Variants in AGMO observed in about 807,000 individuals in gnomAD.
AGMO encodes alkylglycerol monooxygenase, also known as glyceryl-ether monooxygenase.
Under a neutral mutation model 60.2 loss-of-function variants are expected in AGMO, and 75 were observed. That is an observed-to-expected ratio of 1.25 (90% CI 1.03 to 1.51). The LOEUF (loss-of-function observed/expected upper bound fraction) is 1.51. Among genes scored for constraint, AGMO ranks in the 40% most tolerant of loss-of-function variants. The pLI is 0.00. For missense variants in AGMO, 763 were observed against 525.5 expected (o/e 1.45, Z -4.42); for synonymous variants, 261 against 177.1 (o/e 1.47, Z -3.76).
At chr7:15,495,845 CTCTCTCTCCT>C (rs1783212076) in intron 3 of AGMO, among the ~76,000 whole-genome samples, 5 of 98,854 alleles carry the variant, frequency 5.1e-5, no homozygotes, top group Admixed American at 1.4e-4. Flanking sequence ...TCTCTCTCCT[CTCTCTCTCCT>C]CTCTCTCTCT....
the AGMO span, among the ~76,000 whole-genome samples, chr7:15,128,043 G>C: frequency 2.6e-5 from 4 of 151,946 alleles, no homozygotes; most frequent in African/African-American, 9.7e-5. Context: ...CAACCACAAG[G>C]TTCATATTGA....
chr7:15,520,519 A>T (rs1019637428), intron 3 of AGMO, among the ~76,000 whole-genome samples: 2 of 152,234 alleles, frequency 1.3e-5, no homozygotes, highest in African/African-American at 4.8e-5. Flanking sequence ...TAGCGCAATC[A>T]AATTAGAACT....
At chr7:15,285,417 C>A (rs934422218) in intron 12 of AGMO, among the ~76,000 whole-genome samples, 1 of 152,046 alleles carries the variant, frequency 6.6e-6, no homozygotes, top group Non-Finnish European at 1.5e-5. Context: ...AGTAGCACTT[C>A]TATATACCAA....
intron 3 of AGMO, among the ~76,000 whole-genome samples, chr7:15,448,513 A>C (rs1275927873): frequency 6.6e-6 from 1 of 152,158 alleles, no homozygotes; most frequent in East Asian, 1.9e-4. Flanking sequence ...GTGCAAAGGG[A>C]CTAAGATATG....
chr7:15,217,432 T>C (rs1781774491), intron 12 of AGMO, among the ~76,000 whole-genome samples: 2 of 152,064 alleles, frequency 1.3e-5, no homozygotes, highest in Admixed American at 1.3e-4. Context: ...GAGACTTTAA[T>C]ATGTGCAAGA....
chr7:15,425,437 A>T (rs1000907208), intron 4 of AGMO, among the ~76,000 whole-genome samples: 38 of 143,484 alleles, frequency 2.6e-4, no homozygotes, highest in Admixed American at 1.0e-3. Context: ...TGTTTATTTT[A>T]TTTTTTTTTT....
chr7:15,173,522 T>C, the AGMO span, among the ~76,000 whole-genome samples: 1 of 151,834 alleles, frequency 6.6e-6, no homozygotes, highest in South Asian at 2.1e-4. Context: ...CCCTCGATCA[T>C]CACCATGAGA....
chr7:15,501,386 A>G (rs1272117426), intron 3 of AGMO, among the ~76,000 whole-genome samples: 1 of 152,028 alleles, frequency 6.6e-6, no homozygotes, highest in African/African-American at 2.4e-5. Flanking sequence ...CAAAATAAGA[A>G]TGGCAGAATG....
the AGMO span, among the ~76,000 whole-genome samples, chr7:15,173,109 T>C: frequency 1.3e-5 from 2 of 152,202 alleles, no homozygotes; most frequent in African/African-American, 4.8e-5. Context: ...ATTGAATACA[T>C]TTATTGAAGT....
intron 3 of AGMO, among the ~76,000 whole-genome samples, chr7:15,524,058 GTGTA>G (rs2128537078): frequency 6.6e-6 from 1 of 152,032 alleles, no homozygotes; most frequent in South Asian, 2.1e-4. Flanking sequence ...TATTTTTGTT[GTGTA>G]TGTATTTGTA....
At chr7:15,322,588 A>G (rs1340618868) in intron 12 of AGMO, among the ~76,000 whole-genome samples, 6 of 37,938 alleles carry the variant, frequency 1.6e-4, no homozygotes, top group African/African-American at 6.6e-4. Context: ...ATATATAAAT[A>G]TATAAATATA....
At chr7:15,211,038 C>A (rs1367704237) in intron 12 of AGMO, among the ~76,000 whole-genome samples, 1 of 151,236 alleles carries the variant, frequency 6.6e-6, no homozygotes, top group Non-Finnish European at 1.5e-5. Context: ...TAACTTGGGA[C>A]ATAAAGGGAC....
intron 10 of AGMO, among the ~76,000 whole-genome samples, chr7:15,370,330 T>A (rs1562465034): frequency 6.6e-6 from 1 of 152,220 alleles, no homozygotes; most frequent in Non-Finnish European, 1.5e-5. Flanking sequence ...TGCTTCCATG[T>A]CTTTGCTATT....
At chr7:15,382,964 G>T (rs984208694) in intron 10 of AGMO, among the ~76,000 whole-genome samples, 1 of 151,420 alleles carries the variant, frequency 6.6e-6, no homozygotes, top group African/African-American at 2.4e-5. Flanking sequence ...GCCTACTTGA[G>T]CCTATTTGCC....
intron 12 of AGMO, among the ~76,000 whole-genome samples, chr7:15,257,875 T>C (rs920574976): frequency 2.6e-5 from 4 of 152,202 alleles, no homozygotes; most frequent in African/African-American, 7.2e-5. Flanking sequence ...TAATAGTTTA[T>C]GCTAAAACAT....
At chr7:15,317,701 C>T (rs1402534473) in intron 12 of AGMO, among the ~76,000 whole-genome samples, 2 of 151,712 alleles carry the variant, frequency 1.3e-5, no homozygotes, top group African/African-American at 2.4e-5. Context: ...CAAAGAGATT[C>T]AGAAGTGATT....
intron 12 of AGMO, among the ~76,000 whole-genome samples, chr7:15,268,808 T>G (rs924105547): frequency 6.6e-6 from 1 of 151,948 alleles, no homozygotes; most frequent in African/African-American, 2.4e-5. Context: ...GACTAGACAA[T>G]GTAAAGATGA....
intron 3 of AGMO, among the ~76,000 whole-genome samples, chr7:15,475,733 T>A (rs775496053): frequency 6.6e-6 from 1 of 151,964 alleles, no homozygotes; most frequent in Non-Finnish European, 1.5e-5. Flanking sequence ...TAAATGTAAA[T>A]CTTGTCATGC....
chr7:15,387,797 G>A lies in AGMO; in HGVS notation c.823-257C>T, dbSNP rs573363353. Among the ~76,000 whole-genome samples, 24 of 151,894 alleles carry A rather than the reference G, an allele frequency of 1.6e-4. No individual in the cohort carries two copies. The Middle Eastern group carries it at 0.014, about 87-fold the overall frequency. ...TTTGAAATGTAAAAACAGGGCAATT[G>A]TTTAGACAATCAGCAAAGTAGGAAA... On this transcript the variant is annotated intron_variant, in intron 8 of 12. Coordinates refer to ENST00000342526, the MANE Select transcript of AGMO (RefSeq NM_001004320.2).
Sources: gnomAD v4.1 joint callset for allele counts (sites outside exome capture counted in the v4.1 genomes callset) on GRCh38, gnomAD v4.1.1 for gene constraint, MANE v1.5 for transcripts, NCBI Gene and HGNC (gene_info 2026-07-23, HGNC 2026-07-21) for gene names.